The following TRPM3 variants were observed in gnomAD, a reference collection of about 807,000 sequenced individuals.
The protein encoded by TRPM3 is transient receptor potential cation channel subfamily M member 3.
A neutral mutation model predicts 181.2 loss-of-function variants in TRPM3; 77 were observed. The ratio of observed to expected loss-of-function variants is 0.42; its 90% CI spans 0.35 to 0.51. The LOEUF (loss-of-function observed/expected upper bound fraction) is 0.51. Ranked by LOEUF, TRPM3 falls within the 20% of genes least tolerant of loss-of-function variation. The probability of loss-of-function intolerance (pLI) is 0.01; values close to 1 mark genes in which losing one functional copy is unlikely to be tolerated. For synonymous variants in TRPM3, 745 were observed against 796.4 expected, an observed-to-expected ratio of 0.94 and a Z score of 1.09; for missense variants, 1,759 against 2,196.7, an observed-to-expected ratio of 0.80 and a Z score of 3.98.
At chr9:71,325,291 C>T (rs2089587207) in intron 1 of TRPM3, among the ~76,000 whole-genome samples, 1 of 152,144 alleles carries the variant, frequency 6.6e-6, no homozygotes, top group Admixed American at 6.6e-5. Flanking sequence ...AAGTCAATTT[C>T]TATGTTGCAG....
intron 1 of TRPM3, among the ~76,000 whole-genome samples, chr9:71,076,892 T>C (rs1253977280): frequency 6.6e-6 from 1 of 152,192 alleles, no homozygotes; most frequent in Non-Finnish European, 1.5e-5. Flanking sequence ...ATCAGGGACC[T>C]GCCTTGTTTA....
intron 1 of TRPM3, among the ~76,000 whole-genome samples, chr9:71,338,732 G>A (rs2090749274): frequency 6.6e-6 from 1 of 152,134 alleles, no homozygotes; most frequent in African/African-American, 2.4e-5. Context: ...CCTTGATAAA[G>A]AGGAATAGAT....
At chr9:70,688,373 T>C (rs914460060) in intron 8 of TRPM3, among the ~76,000 whole-genome samples, 1 of 152,112 alleles carries the variant, frequency 6.6e-6, no homozygotes, top group Non-Finnish European at 1.5e-5. Context: ...ATAGTGGTGA[T>C]TTCTGAGATT....
intron 1 of TRPM3, among the ~76,000 whole-genome samples, chr9:71,345,079 G>A (rs1448096395): frequency 6.6e-6 from 1 of 152,192 alleles, no homozygotes; most frequent in Non-Finnish European, 1.5e-5. Context: ...TCATTAAAAA[G>A]TCAGGAAATA....
chr9:71,230,085 A>ACT (rs2080949389), intron 1 of TRPM3, among the ~76,000 whole-genome samples: 1 of 152,194 alleles, frequency 6.6e-6, no homozygotes, highest in Admixed American at 6.5e-5. Context: ...ATGGAGTATT[A>ACT]TTATACAATG....
intron 1 of TRPM3, among the ~76,000 whole-genome samples, chr9:71,195,269 G>A (rs1005990324): frequency 2.0e-5 from 3 of 151,968 alleles, no homozygotes; most frequent in Admixed American, 6.6e-5. Context: ...TCTGACAAAG[G>A]TCTAATATCT....
At chr9:71,096,960 C>T (rs886877389) in intron 1 of TRPM3, among the ~76,000 whole-genome samples, 5 of 152,074 alleles carry the variant, frequency 3.3e-5, no homozygotes, top group Non-Finnish European at 5.9e-5. Flanking sequence ...ACATGTATCA[C>T]CCTGGCTCAA....
intron 12 of TRPM3, among the ~76,000 whole-genome samples, chr9:70,634,213 G>T (rs1219751744): frequency 6.6e-6 from 1 of 152,112 alleles, no homozygotes; most frequent in African/African-American, 2.4e-5. Flanking sequence ...GGGTTCAAGT[G>T]ATTCTCCTGC....
intron 19 of TRPM3, among the ~76,000 whole-genome samples, chr9:70,607,797 C>T (rs1169811636): frequency 1.3e-5 from 2 of 152,150 alleles, no homozygotes; most frequent in African/African-American, 4.8e-5. Context: ...TCTCGGGAGT[C>T]TGTAAACTTT....
chr9:71,134,017 G>GCA (rs1565261342), intron 1 of TRPM3, among the ~76,000 whole-genome samples: 3 of 123,658 alleles, frequency 2.4e-5, no homozygotes, highest in East Asian at 2.5e-4. Context: ...GTGTGTGTGC[G>GCA]CGTGCGCGCG....
chr9:71,401,566 A>G (rs1368057499), intron 1 of TRPM3, among the ~76,000 whole-genome samples: 1 of 152,244 alleles, frequency 6.6e-6, no homozygotes. Flanking sequence ...TGAAGAACTT[A>G]CCCTTGATGA....
chr9:71,174,076 T>C (rs560122496), intron 1 of TRPM3, among the ~76,000 whole-genome samples: 7 of 152,334 alleles, frequency 4.6e-5, no homozygotes, highest in African/African-American at 1.7e-4. Context: ...GGCATATGTC[T>C]GTACGAGTAT....
rs1565557152 is a variant in TRPM3 at position 71,420,739 on chromosome 9, G to GAGAGAGAA, written c.183+25906_183+25913dup. 1.3e-4 allele frequency among the ~76,000 whole-genome samples: 12 copies of GAGAGAGAA among 91,124 alleles called. 1 individual carries two copies. The East Asian group carries it at 1.4e-3, about 11-fold the overall frequency. 59.8% of individuals were successfully genotyped at this position (91,124 alleles called of 152,430 possible). The stretch of plus-strand genomic sequence containing the variant: ...AGAGAGAAAGAGAGAGAGAGAGAAA[G>GAGAGAGAA]AGAGAGAAAGAGAGAGAAAGAGAGA... On this transcript the variant is annotated intron_variant, in intron 1 of 24. Coordinates refer to the TRPM3 transcript ENST00000357533.
intron 6 of TRPM3, among the ~76,000 whole-genome samples, chr9:70,801,103 T>A (rs1005842455): frequency 1.3e-5 from 2 of 152,242 alleles, no homozygotes; most frequent in African/African-American, 4.8e-5. Context: ...GGGGTCATTA[T>A]TAATAATTAC....
At chr9:70,547,077 G>A (rs534554867) in intron 25 of TRPM3, among the ~76,000 whole-genome samples, 3 of 152,256 alleles carry the variant, frequency 2.0e-5, no homozygotes, top group East Asian at 3.9e-4. Flanking sequence ...AGTGGCAGGA[G>A]GAGGAGTATG....
chr9:70,741,099 A>G (rs1043916243), intron 8 of TRPM3, among the ~76,000 whole-genome samples: 1 of 152,220 alleles, frequency 6.6e-6, no homozygotes, highest in African/African-American at 2.4e-5. Context: ...CAAGAAACTC[A>G]AACAAATCAG....
intron 1 of TRPM3, among the ~76,000 whole-genome samples, chr9:71,337,341 G>A (rs889811076): frequency 1.3e-5 from 2 of 152,122 alleles, no homozygotes; most frequent in African/African-American, 4.8e-5. Context: ...ATCATCACTG[G>A]TCATTAGAGA....
chr9:71,125,971 A>G (rs906591340), upstream of TRPM3, among the ~76,000 whole-genome samples: 1 of 152,176 alleles, frequency 6.6e-6, no homozygotes, highest in African/African-American at 2.4e-5. Context: ...CAATCTATCC[A>G]TCTGACAGAG....
At chr9:71,365,044 G>C (rs2092290610) in intron 1 of TRPM3, among the ~76,000 whole-genome samples, 1 of 152,008 alleles carries the variant, frequency 6.6e-6, no homozygotes, top group Non-Finnish European at 1.5e-5. Flanking sequence ...GGTCAGGAAG[G>C]GAAAAAAGGA....
Sources: allele counts gnomAD v4.1 joint callset (sites outside exome capture counted in the v4.1 genomes callset), GRCh38; gene constraint gnomAD v4.1.1; transcripts MANE v1.5; gene names NCBI Gene and HGNC (gene_info 2026-07-23, HGNC 2026-07-21).